Variants in STON2 observed in about 807,000 individuals in gnomAD.
The protein encoded by STON2 is stonin-2.
A neutral mutation model predicts 65.7 loss-of-function variants in STON2; 29 were observed. That is an observed-to-expected ratio of 0.44 (90% CI 0.33 to 0.60). The LOEUF is 0.60. Ranked by LOEUF, STON2 falls within the 20% of genes least tolerant of loss-of-function variation. The pLI, the probability that STON2 is intolerant of heterozygous loss-of-function variation, is 0.03. For missense variants in STON2, 1,054 were observed against 1,118.1 expected (o/e 0.94, Z 0.82); for synonymous variants, 404 against 414.2 (o/e 0.98, Z 0.30).
chr14:81,356,473 T>A (rs1210514733), intron 4 of STON2, among the ~76,000 whole-genome samples: 2 of 152,182 alleles, frequency 1.3e-5, no homozygotes, highest in African/African-American at 2.4e-5. Flanking sequence ...AATTCTCTTT[T>A]TTTGTTGTGT....
At chr14:81,434,566 TTTG>T (rs1902338884) in intron 1 of STON2, among the ~76,000 whole-genome samples, 1 of 152,044 alleles carries the variant, frequency 6.6e-6, no homozygotes, top group South Asian at 2.1e-4. Flanking sequence ...ACTGGGGCAT[TTTG>T]TTTGCATCCT....
At position 81,326,559 on chromosome 14, in the gene STON2, G is replaced by A. The variant is rs532157480; in HGVS notation, c.572-2372C>T. Among the ~76,000 whole-genome samples the A allele has an allele frequency of 4.6e-5, 7 of 152,044 alleles. No individual in the cohort carries two copies. In the Middle Eastern group the frequency reaches 0.01, roughly 222 times the overall value. ...CACAAGGAACTCCAACATACTCTAC[G>A]GTGTACATACAAACATATTGTATCA... On this transcript the variant is annotated intron_variant, in intron 4 of 7. Transcript: ENST00000614646.
At chr14:81,384,154 T>C (rs1297689002) in intron 3 of STON2, among the ~76,000 whole-genome samples, 1 of 152,130 alleles carries the variant, frequency 6.6e-6, no homozygotes, top group Non-Finnish European at 1.5e-5. Context: ...AAATTTCACA[T>C]CCCCCTCACC....
chr14:81,397,746 G>A (rs931839360), intron 2 of STON2, among the ~76,000 whole-genome samples: 2 of 152,098 alleles, frequency 1.3e-5, no homozygotes, highest in Non-Finnish European at 2.9e-5. Context: ...AAGGATGACC[G>A]TACTGAGCTC....
chr14:81,398,184 C>G (rs1272828813), intron 2 of STON2, 111 bp downstream of exon 2: 2 of 689,378 alleles, frequency 2.9e-6, no homozygotes, highest in East Asian at 3.0e-5. Context: ...AGAAACTGAC[C>G]CTTTTTTCTA....
chr14:81,287,907 G>A (rs1165491454), intron 5 of STON2, among the ~76,000 whole-genome samples: 1 of 152,106 alleles, frequency 6.6e-6, no homozygotes. Flanking sequence ...TCTTAGATGA[G>A]GGCTCCATTC....
chr14:81,284,730 G>GTTA (rs1895266795), intron 5 of STON2, among the ~76,000 whole-genome samples: 1 of 152,232 alleles, frequency 6.6e-6, no homozygotes, highest in Admixed American at 6.5e-5. Context: ...CATCTAGGAT[G>GTTA]TTAATAGCTA....
intron 5 of STON2, among the ~76,000 whole-genome samples, chr14:81,295,715 C>T (rs1412457179): frequency 6.6e-6 from 1 of 152,214 alleles, no homozygotes; most frequent in East Asian, 1.9e-4. Flanking sequence ...GAATCTAAGG[C>T]ATTCACATAT....
chr14:81,304,836 T>A (rs1283061137), intron 5 of STON2, among the ~76,000 whole-genome samples: 1 of 152,150 alleles, frequency 6.6e-6, no homozygotes, highest in South Asian at 2.1e-4. Flanking sequence ...TTAAAAAGTA[T>A]AAAATACACA....
intron 4 of STON2, among the ~76,000 whole-genome samples, chr14:81,350,231 TAA>T (rs1897972681): frequency 6.6e-6 from 1 of 152,116 alleles, no homozygotes; most frequent in African/African-American, 2.4e-5. Flanking sequence ...AAAGAAATGA[TAA>T]AAGTTTGAGG....
intron 5 of STON2, among the ~76,000 whole-genome samples, chr14:81,306,361 T>C (rs941492361): frequency 6.9e-6 from 1 of 144,012 alleles, no homozygotes; most frequent in Non-Finnish European, 1.5e-5. Context: ...TCTGAGCAGA[T>C]GGGACTACAG....
chr14:81,335,019 TTGTGTG>T (rs61658924), intron 4 of STON2, among the ~76,000 whole-genome samples: 117,922 of 146,212 alleles, frequency 0.81, 48,207 homozygotes, highest in Non-Finnish European at 0.89. Context: ...TTTTTTGTAT[TTGTGTG>T]TGTGTGTGTG....
rs2140364944 is a variant in STON2 at position 81,371,027 on chromosome 14, C to T, written c.532G>A (p.Glu178Lys). 6.2e-7 allele frequency: 1 copy of T among 1,613,398 alleles called. No individual in the cohort carries two copies. Among genetic ancestry groups the T allele is most frequent in the East Asian group, 2.2e-5 (1 of 44,874 alleles). Residue 178 changes from glutamate (E) to lysine (K), a missense_variant, in exon 4 of 8, where the codon GAG (glutamate) becomes AAG (lysine). Glu to Lys is a moderately conservative substitution (Grantham distance 56). Transcript: ENST00000614646. ...CCAGAAGCCTGGCCACTCGTCTGCTCCTCAGCATTGATGAGCTGCAGATCT... is the reference window on the plus strand; with the variant it reads ...CCAGAAGCCTGGCCACTCGTCTGCTTCTCAGCATTGATGAGCTGCAGATCT... ...YTDLQLINAEEQTSGQASGAD... is the reference protein window; with the variant it reads ...YTDLQLINAEKQTSGQASGAD...
At position 81,349,998 on chromosome 14, in the gene STON2, T is replaced by C. The variant is rs563531933; in HGVS notation, c.571+20990A>G. On this transcript the variant is annotated intron_variant, in intron 4 of 7. Transcript: ENST00000614646. The stretch of plus-strand genomic sequence containing the variant: ...GGCACAGAAAGACAAACGGGCAAGT[T>C]CTCACTCATTTGTGGGAGCTGAAAA... Among the ~76,000 whole-genome samples the C allele has an allele frequency of 3.9e-5, 6 of 152,222 alleles. No homozygotes were observed. In the East Asian group the frequency reaches 1.2e-3, roughly 29 times the overall value.
intron 4 of STON2, among the ~76,000 whole-genome samples, chr14:81,355,009 G>C (rs1595387208): frequency 6.6e-6 from 1 of 151,820 alleles, no homozygotes; most frequent in South Asian, 2.1e-4. Context: ...AAATGAAATA[G>C]AACACTTCAA....
intron 5 of STON2, chr14:81,306,797 C>A (rs1896201242): frequency 1.3e-5 from 2 of 152,126 alleles, no homozygotes; most frequent in Admixed American, 6.5e-5. Flanking sequence ...TGAGCATCCT[C>A]CAATAAAGCA....
At chr14:81,324,779 T>G (rs1175464338) in intron 4 of STON2, among the ~76,000 whole-genome samples, 1 of 152,252 alleles carries the variant, frequency 6.6e-6, no homozygotes, top group African/African-American at 2.4e-5. Flanking sequence ...ACTTATTTGA[T>G]AGCCTGACCT....
At chr14:81,272,284 T>G (rs1315672479) in intron 6 of STON2, among the ~76,000 whole-genome samples, 1 of 152,198 alleles carries the variant, frequency 6.6e-6, no homozygotes, top group Non-Finnish European at 1.5e-5. Context: ...TTAACCACTT[T>G]GTCTGAGTTA....
intron 4 of STON2, among the ~76,000 whole-genome samples, chr14:81,335,508 C>CA (rs1347167961): frequency 3.9e-5 from 6 of 152,124 alleles, no homozygotes; most frequent in Non-Finnish European, 7.4e-5. Context: ...TGTCACCTCT[C>CA]AAGAGTTATT....
Sources: gnomAD v4.1 joint callset for allele counts (sites outside exome capture counted in the v4.1 genomes callset) on GRCh38, gnomAD v4.1.1 for gene constraint, MANE v1.5 for transcripts, NCBI Gene and HGNC (gene_info 2026-07-23, HGNC 2026-07-21) for gene names.